The following THSD7B variants were observed in gnomAD, a reference collection of about 807,000 sequenced individuals.
THSD7B encodes the protein thrombospondin type-1 domain-containing protein 7B.
Under a neutral mutation model 213.6 loss-of-function variants are expected in THSD7B, and 138 were observed. The ratio of observed to expected loss-of-function variants is 0.65; its 90% CI spans 0.56 to 0.74. The LOEUF (loss-of-function observed/expected upper bound fraction) is 0.74, where lower values mean the gene tolerates loss of function less well. THSD7B is among the 30% of genes least tolerant of loss of function. The probability of loss-of-function intolerance (pLI) is 0.00; values close to 1 mark genes in which losing one functional copy is unlikely to be tolerated. For synonymous variants in THSD7B, 742 were observed against 687.0 expected (o/e 1.08, Z -1.25); for missense variants, 1,931 against 1,991.5 (o/e 0.97, Z 0.58).
chr2:137,194,649 T>G (rs571931938), intron 7 of THSD7B, among the ~76,000 whole-genome samples: 1 of 152,318 alleles, frequency 6.6e-6, no homozygotes, highest in East Asian at 1.9e-4. Flanking sequence ...GTTTTATACA[T>G]TGCTTTTCAA....
chr2:137,150,126 C>A (rs1679786730), intron 5 of THSD7B, among the ~76,000 whole-genome samples: 1 of 151,802 alleles, frequency 6.6e-6, no homozygotes, highest in Non-Finnish European at 1.5e-5. Flanking sequence ...CCTGTAATCC[C>A]AGCTACTCTG....
intron 7 of THSD7B, among the ~76,000 whole-genome samples, chr2:137,229,752 G>A (rs1681596515): frequency 6.6e-6 from 1 of 152,118 alleles, no homozygotes; most frequent in African/African-American, 2.4e-5. Flanking sequence ...TTTCCTCTCT[G>A]AGCCTCTGCT....
intron 7 of THSD7B, among the ~76,000 whole-genome samples, chr2:137,230,724 C>T (rs754198949): frequency 1.3e-5 from 2 of 152,140 alleles, no homozygotes; most frequent in African/African-American, 2.4e-5. Context: ...CTCTGACTTC[C>T]GTTTTGAAGA....
rs1329446261 is a variant in THSD7B, at chr2:137,341,035, ATAC to A, written c.2501-64575_2501-64573del. On this transcript the variant is annotated intron_variant, in intron 12 of 27. Transcript: ENST00000409968. ...CCTTACAGTTACCATAATAGCTGTA[ATAC>A]TATAATTTACCTTCCCACCAACAGT... Among the ~76,000 whole-genome samples, 10 of 145,534 alleles carry A rather than the reference ATAC, an allele frequency of 6.9e-5. No individual in the cohort carries two copies. In the East Asian group the frequency reaches 1.8e-3, roughly 26 times the overall value.
At chr2:137,387,923 C>G (rs78840073) in intron 12 of THSD7B, among the ~76,000 whole-genome samples, 2 of 152,070 alleles carry the variant, frequency 1.3e-5, no homozygotes, top group Non-Finnish European at 2.9e-5. Context: ...TGCCTGTCAC[C>G]GACACCACTG....
chr2:137,380,311 C>T (rs1685745611), intron 12 of THSD7B, among the ~76,000 whole-genome samples: 1 of 151,888 alleles, frequency 6.6e-6, no homozygotes, highest in African/African-American at 2.4e-5. Context: ...TCCAGCTACT[C>T]ATTGGGAGAA....
chr2:136,855,392 G>A (rs1047979614), intron 1 of THSD7B, among the ~76,000 whole-genome samples: 9 of 151,698 alleles, frequency 5.9e-5, no homozygotes, highest in East Asian at 3.9e-4. Flanking sequence ...TTTAGAGGAC[G>A]TCTATGACCT....
chr2:137,644,324 C>A (rs1476968564), intron 21 of THSD7B, among the ~76,000 whole-genome samples: 1 of 152,126 alleles, frequency 6.6e-6, no homozygotes. Flanking sequence ...AGGGTGGGCC[C>A]TTACCCAAAC....
At chr2:136,930,514 G>C (rs1292325061) in intron 2 of THSD7B, among the ~76,000 whole-genome samples, 4 of 152,182 alleles carry the variant, frequency 2.6e-5, no homozygotes, top group Non-Finnish European at 4.4e-5. Context: ...AACCATGATT[G>C]GTTCTTGAAT....
intron 2 of THSD7B, among the ~76,000 whole-genome samples, chr2:137,050,884 A>G (rs1315694631): frequency 6.6e-6 from 1 of 152,196 alleles, no homozygotes; most frequent in African/African-American, 2.4e-5. Context: ...TTCTTTATTT[A>G]GTATTATCCA....
intron 7 of THSD7B, among the ~76,000 whole-genome samples, chr2:137,186,490 C>T (rs1307290809): frequency 6.6e-6 from 1 of 151,980 alleles, no homozygotes; most frequent in East Asian, 1.9e-4. Context: ...GGAGTCCTTT[C>T]CTTATTGCTT....
intron 2 of THSD7B, among the ~76,000 whole-genome samples, chr2:136,897,169 A>T (rs1418534131): frequency 2.0e-5 from 3 of 152,100 alleles, no homozygotes; most frequent in African/African-American, 7.2e-5. Context: ...TTGCCTAGAG[A>T]TCATTATAGA....
At chr2:137,509,317 CTTTTCTCTTTCTTTCTTTCT>C (rs1315475141) in intron 15 of THSD7B, among the ~76,000 whole-genome samples, 1 of 144,250 alleles carries the variant, frequency 6.9e-6, no homozygotes, top group South Asian at 2.2e-4. Flanking sequence ...CTCTCTCTTT[CTTTTCTCTTTCTTTCTTTCT>C]TTTTCTCTTT....
intron 1 of THSD7B, among the ~76,000 whole-genome samples, chr2:136,861,708 C>A (rs1252991046): frequency 4.6e-5 from 7 of 152,142 alleles, no homozygotes; most frequent in Non-Finnish European, 7.3e-5. Flanking sequence ...ATTGAAAGAA[C>A]CTAAATGTAT....
At chr2:137,530,138 T>G (rs948449672) in intron 15 of THSD7B, among the ~76,000 whole-genome samples, 7 of 152,060 alleles carry the variant, frequency 4.6e-5, no homozygotes, top group African/African-American at 1.7e-4. Context: ...TATTGAGATG[T>G]GCGTGCCTCA....
intron 12 of THSD7B, among the ~76,000 whole-genome samples, chr2:137,376,227 G>A (rs112044599): frequency 6.6e-6 from 1 of 152,152 alleles, no homozygotes; most frequent in African/African-American, 2.4e-5. Flanking sequence ...CCTAATAAAT[G>A]ATGCTGCATT....
intron 12 of THSD7B, among the ~76,000 whole-genome samples, chr2:137,362,245 G>A (rs1685282147): frequency 6.6e-6 from 1 of 152,156 alleles, no homozygotes; most frequent in African/African-American, 2.4e-5. Flanking sequence ...ACTAAACGTG[G>A]AAAGTAACAA....
chr2:136,929,086 C>A (rs1684589226), intron 2 of THSD7B, among the ~76,000 whole-genome samples: 1 of 152,028 alleles, frequency 6.6e-6, no homozygotes. Context: ...ATTGATAATA[C>A]CATTGAGTTT....
chr2:137,648,952 A>G (rs1683088409), intron 21 of THSD7B, among the ~76,000 whole-genome samples: 1 of 152,090 alleles, frequency 6.6e-6, no homozygotes, highest in African/African-American at 2.4e-5. Flanking sequence ...CTTTTTTATA[A>G]TAGCCATTTT....
Sources: allele counts gnomAD v4.1 joint callset (sites outside exome capture counted in the v4.1 genomes callset), GRCh38; gene constraint gnomAD v4.1.1; transcripts MANE v1.5; gene names NCBI Gene and HGNC (gene_info 2026-07-23, HGNC 2026-07-21).